Variants in SPHKAP observed in about 807,000 individuals in gnomAD.
The protein encoded by SPHKAP is A-kinase anchor protein SPHKAP.
SPHKAP carries 67 observed loss-of-function variants against 137.5 expected under a neutral mutation model. The ratio of observed to expected loss-of-function variants is 0.49; its 90% CI spans 0.40 to 0.60. The LOEUF (loss-of-function observed/expected upper bound fraction) is 0.60, where lower values mean the gene tolerates loss of function less well. Among genes scored for constraint, SPHKAP ranks in the 20% least tolerant of loss-of-function variants. The pLI is 0.00. For synonymous variants in SPHKAP, 813 were observed against 785.3 expected (o/e 1.04, Z -0.59); for missense variants, 2,097 against 2,069.3 (o/e 1.01, Z -0.26).
chr2:228,172,560 C>T (rs899046193), intron 1 of SPHKAP, among the ~76,000 whole-genome samples: 4 of 152,150 alleles, frequency 2.6e-5, no homozygotes, highest in African/African-American at 4.8e-5. Flanking sequence ...CTTCACAAGC[C>T]AATGCAAAGC....
At chr2:228,173,062 T>C (rs959675353) in intron 1 of SPHKAP, 12 of 985,318 alleles carry the variant, frequency 1.2e-5, no homozygotes, top group African/African-American at 3.5e-5. Context: ...TCCAGGTCCA[T>C]CCTGATCTGG....
In SPHKAP at chr2:228,018,848, T is replaced by C. The variant is rs140179852; in HGVS notation, c.2006A>G (p.His669Arg). 30 of 1,614,236 alleles carry C rather than the reference T, an allele frequency of 1.9e-5. No individual in the cohort carries two copies. The African/African-American group carries it at 3.7e-4, about 20-fold the overall frequency. ...CCTCAGGATAACATTGGACAGGGTATGTGCCAGTTCATTCCTGACGACATT... is the reference window on the plus strand; with the variant it reads ...CCTCAGGATAACATTGGACAGGGTACGTGCCAGTTCATTCCTGACGACATT... The part of the protein sequence containing the change: ...SENVVRNELA[H>R]TLSNVILRHS... Residue 669 changes from histidine (H) to arginine (R), a missense_variant, in exon 7 of 12, where the codon CAT becomes CGT. His to Arg is a conservative substitution (Grantham distance 29, BLOSUM62 0). Transcript: ENST00000392056.
intron 1 of SPHKAP, among the ~76,000 whole-genome samples, chr2:228,178,252 G>A (rs536960715): frequency 6.6e-6 from 1 of 152,192 alleles, no homozygotes; most frequent in South Asian, 2.1e-4. Flanking sequence ...ACCTAGCTCT[G>A]CTACATAGAA....
intron 3 of SPHKAP, among the ~76,000 whole-genome samples, chr2:228,064,621 G>A (rs1192269346): frequency 6.6e-6 from 1 of 152,120 alleles, no homozygotes; most frequent in African/African-American, 2.4e-5. Context: ...TGGTATTTAG[G>A]TTATATTTCC....
intron 3 of SPHKAP, among the ~76,000 whole-genome samples, chr2:228,066,612 C>T (rs908380004): frequency 2.0e-5 from 3 of 152,174 alleles, no homozygotes; most frequent in Admixed American, 6.5e-5. Context: ...CCCCCGGCTG[C>T]GTGGGGGCAG....
rs1694852851 is a variant in SPHKAP at position 228,021,843 on chromosome 2, G to T, written c.565C>A (p.Gln189Lys). 6.2e-7 allele frequency: 1 copy of T among 1,614,030 alleles called. No individual in the cohort carries two copies. The highest frequency in any genetic ancestry group is 1.7e-5 in the Admixed American group (1 of 60,004). ...AAGATGTTTGTTTCCAGGTGGAGCT[G>T]TCGCTCCTGCACCAGTTCCAGACCA... ...LIGLELVQERQLHLETNILKL... is the reference protein window; with the variant it reads ...LIGLELVQERKLHLETNILKL... Residue 189 changes from glutamine to lysine, a missense_variant, in exon 6 of 12, where the codon CAG becomes AAG. Physicochemically the swap from Gln to Lys is moderately conservative, Grantham distance 53. Transcript: ENST00000392056.
chr2:228,104,249 T>C (rs1302031695), intron 3 of SPHKAP, among the ~76,000 whole-genome samples: 5 of 131,792 alleles, frequency 3.8e-5, no homozygotes, highest in Non-Finnish European at 6.4e-5. Context: ...TTATATTATA[T>C]ATTATATATA....
intron 7 of SPHKAP, among the ~76,000 whole-genome samples, chr2:228,007,063 A>C (rs1388450148): frequency 6.6e-6 from 1 of 152,178 alleles, no homozygotes; most frequent in African/African-American, 2.4e-5. Context: ...CTCTCTTCAA[A>C]GCTCAGTTGG....
At chr2:228,124,707 A>G (rs1027815224) in intron 2 of SPHKAP, among the ~76,000 whole-genome samples, 1 of 142,658 alleles carries the variant, frequency 7.0e-6, no homozygotes, top group Non-Finnish European at 1.6e-5. Context: ...CGTTGTGCAC[A>G]TGTACCCTAA....
chr2:228,029,045 T>C (rs1448907817), intron 3 of SPHKAP, among the ~76,000 whole-genome samples: 1 of 152,212 alleles, frequency 6.6e-6, no homozygotes, highest in Non-Finnish European at 1.5e-5. Flanking sequence ...AGTGTAACGC[T>C]GTCAAGCCAC....
At position 228,018,951 on chromosome 2, in the gene SPHKAP, T is replaced by C; in HGVS notation, c.1903A>G (p.Ser635Gly). 1.2e-6 allele frequency: 2 copies of C among 1,614,216 alleles called. No homozygotes were observed. The highest frequency in any genetic ancestry group is 1.1e-5 in the South Asian group (1 of 91,088). Residue 635 changes from serine (S) to glycine (G), a missense_variant, in exon 7 of 12, where the codon AGC becomes GGC. Coordinates refer to ENST00000392056, the MANE Select transcript of SPHKAP (RefSeq NM_001142644.2). ...LVLTRPNTYS[S>G]IGDFLDSMNR... is the part of the protein sequence containing the mutation. ...ATGGAGTCCAGAAAGTCTCCAATGC[T>C]GCTGTAGGTATTAGGCCTTGTTAAA...
At chr2:228,069,449 C>CTTTTT (rs11346938) in intron 3 of SPHKAP, among the ~76,000 whole-genome samples, 4 of 128,138 alleles carry the variant, frequency 3.1e-5, no homozygotes, top group Non-Finnish European at 4.9e-5. Context: ...TTCTTTCTTT[C>CTTTTT]TTTTTTTTTT....
intron 7 of SPHKAP, among the ~76,000 whole-genome samples, chr2:228,006,302 A>G (rs1482329315): frequency 6.6e-6 from 1 of 152,138 alleles, no homozygotes. Context: ...ATCTTCAGTC[A>G]CTGATACCCT....
rs373893925 is a variant in SPHKAP, at chr2:228,017,888, C to T, written c.2966G>A (p.Gly989Glu). The T allele has an allele frequency of 3.4e-5, 55 of 1,614,050 alleles. No individual in the cohort carries two copies. In the East Asian group the frequency reaches 1.0e-3, roughly 29 times the overall value. ...LKRKKESQGS[G>E]TAVRKHKPPR... ...AGGCTTGTGTTTCCTCACAGCGGTCCCGCTCCCCTGGCTCTCTTTCTTCCT... is the reference window on the plus strand; with the variant it reads ...AGGCTTGTGTTTCCTCACAGCGGTCTCGCTCCCCTGGCTCTCTTTCTTCCT... The change falls in exon 7 of 12, where the codon GGG (glycine) becomes GAG (glutamate). Residue 989 changes from glycine (G) to glutamate (E), a missense_variant. By Grantham distance (98) the Gly-to-Glu change is moderately conservative. Coordinates refer to ENST00000392056, the MANE Select transcript of SPHKAP (RefSeq NM_001142644.2).
At chr2:228,113,069 G>T (rs1361514315) in intron 2 of SPHKAP, among the ~76,000 whole-genome samples, 1 of 152,092 alleles carries the variant, frequency 6.6e-6, no homozygotes, top group Non-Finnish European at 1.5e-5. Context: ...ATGTTTGGAC[G>T]AGAGCTTCTT....
At chr2:228,154,852 C>T (rs565326666) in intron 1 of SPHKAP, among the ~76,000 whole-genome samples, 1 of 151,250 alleles carries the variant, frequency 6.6e-6, no homozygotes, top group East Asian at 2.0e-4. Context: ...AGCTACCTTG[C>T]CCAGCCATAA....
chr2:228,173,241 T>A (rs1348043205), intron 1 of SPHKAP, among the ~76,000 whole-genome samples: 2 of 152,168 alleles, frequency 1.3e-5, no homozygotes, highest in Admixed American at 6.5e-5. Flanking sequence ...CTAGTAGAAT[T>A]TCATGTGTCA....
At chr2:228,102,588 A>G (rs1698212132) in intron 3 of SPHKAP, among the ~76,000 whole-genome samples, 1 of 152,208 alleles carries the variant, frequency 6.6e-6, no homozygotes, top group African/African-American at 2.4e-5. Context: ...TAATAGTTTC[A>G]GGATCCAAGA....
intron 3 of SPHKAP, among the ~76,000 whole-genome samples, chr2:228,100,635 G>T (rs1017198492): frequency 6.6e-6 from 1 of 152,102 alleles, no homozygotes. Context: ...TTTATGTGGT[G>T]AATCACATTA....
Sources: gnomAD v4.1 joint callset for allele counts (sites outside exome capture counted in the v4.1 genomes callset) on GRCh38, gnomAD v4.1.1 for gene constraint, MANE v1.5 for transcripts, NCBI Gene and HGNC (gene_info 2026-07-23, HGNC 2026-07-21) for gene names.